The following DPY19L1 variants were observed in gnomAD, a reference collection of about 807,000 sequenced individuals.
DPY19L1 encodes protein C-mannosyl-transferase DPY19L1.
In DPY19L1, 35 loss-of-function variants were observed where a neutral mutation model predicts 96.9. That is an observed-to-expected ratio of 0.36 (90% CI 0.28 to 0.48). The LOEUF is 0.48. DPY19L1 is among the 20% of genes least tolerant of loss of function. DPY19L1 has a pLI of 0.99. For missense variants in DPY19L1, 521 were observed against 777.9 expected (o/e 0.67, Z 3.93); for synonymous variants, 205 against 252.6 (o/e 0.81, Z 1.79).
intron 13 of DPY19L1, among the ~76,000 whole-genome samples, chr7:34,950,564 C>G (rs569355048): frequency 6.6e-6 from 1 of 152,064 alleles, no homozygotes; most frequent in Admixed American, 6.5e-5. Flanking sequence ...AAAAAAGCAA[C>G]AACCAAAGAA....
chr7:35,010,095 T>C (rs932966576), intron 6 of DPY19L1, among the ~76,000 whole-genome samples: 7 of 152,000 alleles, frequency 4.6e-5, no homozygotes, highest in African/African-American at 1.7e-4. Flanking sequence ...CTGAGTTTGG[T>C]GGCGTGCACC....
chr7:34,990,260 T>C (rs328912), intron 6 of DPY19L1, among the ~76,000 whole-genome samples: 7,399 of 152,286 alleles, frequency 0.049, 403 homozygotes, highest in African/African-American at 0.13. Context: ...TTTTATTTTC[T>C]TTAGTACCTC....
intron 6 of DPY19L1, among the ~76,000 whole-genome samples, chr7:34,992,824 T>A (rs1230849401): frequency 6.6e-6 from 1 of 152,178 alleles, no homozygotes; most frequent in Non-Finnish European, 1.5e-5. Context: ...TGTTTTTAAC[T>A]GTACCCTTCC....
chr7:35,013,722 C>T lies in DPY19L1; in HGVS notation c.412-17G>A, dbSNP rs141453442. On this transcript the variant is annotated splice_polypyrimidine_tract_variant and intron_variant, in intron 3 of 21. Coordinates refer to ENST00000638088, the MANE Select transcript of DPY19L1 (RefSeq NM_001366673.1). ...ATATAGTCCCTGAAATAAAGATATG[C>T]TCAATTAAAATAACAAAAGGTACAT... 6.4e-6 allele frequency: 10 copies of T among 1,565,840 alleles called. No individual in the cohort carries two copies. The highest frequency in any genetic ancestry group is 5.5e-5 in the African/African-American group (4 of 73,308).
intron 12 of DPY19L1, 108 bp downstream of exon 12, chr7:34,955,200 G>T: frequency 7.3e-7 from 1 of 1,369,006 alleles, no homozygotes; most frequent in Non-Finnish European, 1.0e-6. Flanking sequence ...CTATAAAACT[G>T]TTGGATCCCC....
At chr7:34,945,839 A>G in intron 15 of DPY19L1, 123 bp from the exon 16 acceptor site, 1 of 688,174 alleles carries the variant, frequency 1.5e-6, no homozygotes, top group South Asian at 1.8e-5. Flanking sequence ...ATAACTCAGA[A>G]AATAATAATC....
At chr7:35,001,939 C>T (rs1254067698) in intron 6 of DPY19L1, among the ~76,000 whole-genome samples, 3 of 151,890 alleles carry the variant, frequency 2.0e-5, no homozygotes, top group African/African-American at 4.8e-5. Flanking sequence ...TCCTGGCCAA[C>T]ATGGTAAAAA....
At chr7:35,013,802 A>C in intron 3 of DPY19L1, 97 bp from the exon 4 acceptor site, 1 of 886,692 alleles carries the variant, frequency 1.1e-6, no homozygotes, top group Non-Finnish European at 1.7e-6. Flanking sequence ...AAAGCAATTA[A>C]GTAATAGCTA....
At chr7:34,996,719 A>G (rs1441454482) in intron 6 of DPY19L1, among the ~76,000 whole-genome samples, 4 of 152,188 alleles carry the variant, frequency 2.6e-5, no homozygotes. Flanking sequence ...CCTGCCCACA[A>G]GGTCAAATCC....
At chr7:34,962,410 A>T (rs777333363) in intron 10 of DPY19L1, among the ~76,000 whole-genome samples, 3 of 152,262 alleles carry the variant, frequency 2.0e-5, no homozygotes, top group Non-Finnish European at 4.4e-5. Flanking sequence ...CTATGGAAAC[A>T]GTAAAAAGAT....
rs1177737159 is a variant in DPY19L1, at chr7:34,938,106, T to C, written c.1978A>G (p.Ile660Val). Residue 660 changes from isoleucine (I) to valine (V), a missense_variant, in exon 21 of 22, where the codon ATA becomes GTA. Coordinates refer to ENST00000638088, the MANE Select transcript of DPY19L1 (RefSeq NM_001366673.1). Reference protein sequence around the residue: ...EDAGLRARTKIVYSMYSRKAA... With the variant: ...EDAGLRARTKVVYSMYSRKAA... ...TTCCGACTATACATTGAGTATACTA[T>C]TTTTGTTCTGGCTCTTTAAAGAAAA... 2 of 1,612,846 alleles carry C rather than the reference T, an allele frequency of 1.2e-6. No homozygotes were observed. Among genetic ancestry groups the C allele is most frequent in the Admixed American group, 3.3e-5 (2 of 59,712 alleles).
chr7:34,962,561 G>C (rs1160113888), intron 10 of DPY19L1, among the ~76,000 whole-genome samples: 2 of 152,182 alleles, frequency 1.3e-5, no homozygotes, highest in East Asian at 1.9e-4. Flanking sequence ...GCCGATTGTG[G>C]TGGCTCACAT....
At chr7:35,019,244 C>A (rs1412511482) in intron 1 of DPY19L1, among the ~76,000 whole-genome samples, 1 of 152,118 alleles carries the variant, frequency 6.6e-6, no homozygotes, top group African/African-American at 2.4e-5. Context: ...GATTAAATAA[C>A]TCTTAACTAA....
chr7:35,028,709 T>A (rs1191924107), intron 1 of DPY19L1, among the ~76,000 whole-genome samples: 1 of 152,234 alleles, frequency 6.6e-6, no homozygotes, highest in Non-Finnish European at 1.5e-5. Flanking sequence ...CAGTTTGGGC[T>A]GCTGGACTAA....
intron 10 of DPY19L1, among the ~76,000 whole-genome samples, chr7:34,959,180 A>G (rs936246527): frequency 6.6e-5 from 10 of 152,238 alleles, no homozygotes; most frequent in African/African-American, 2.4e-4. Flanking sequence ...ATCTCATGCC[A>G]GTTAGAATGG....
intron 3 of DPY19L1, among the ~76,000 whole-genome samples, chr7:35,014,914 T>C (rs988430436): frequency 6.6e-6 from 1 of 152,116 alleles, no homozygotes; most frequent in Non-Finnish European, 1.5e-5. Context: ...GGTCAGAGAC[T>C]GGGGTGAGGC....
chr7:35,015,078 TC>T (rs1264088534), intron 3 of DPY19L1, among the ~76,000 whole-genome samples: 1 of 152,186 alleles, frequency 6.6e-6, no homozygotes, highest in Non-Finnish European at 1.5e-5. Flanking sequence ...AGAATATATT[TC>T]TGCTGTTTTA....
rs1784621547 is a variant in DPY19L1 at position 34,966,880 on chromosome 7, TA to T, written c.1092+13del. ...GGGCAAACTAAATGGAAAAGAACAA[TA>T]AAAAATTATTACCATGTGTATATAA... On this transcript the variant is annotated intron_variant, in intron 10 of 21. Transcript: ENST00000638088. 1 of 1,512,798 alleles carries T rather than the reference TA, an allele frequency of 6.6e-7. No individual in the cohort carries two copies. The highest frequency in any genetic ancestry group is 1.3e-5 in the South Asian group (1 of 78,008). 93.7% of individuals were successfully genotyped at this position (1,512,798 alleles called of 1,614,324 possible).
rs1374880232 is a variant in DPY19L1 at position 34,965,970 on chromosome 7, A to G, written c.1092+924T>C. 2.7e-5 allele frequency among the ~76,000 whole-genome samples: 4 copies of G among 150,684 alleles called. No homozygotes were observed. In the East Asian group the frequency reaches 5.8e-4, roughly 22 times the overall value. ...CCTCATTTGATTTTTCCATTCTCCT[A>G]CCCCCTGATCTTGGTGCTCCTGATC... is the stretch of plus-strand genomic sequence containing the variant. On this transcript the variant is annotated intron_variant, in intron 10 of 21. Coordinates refer to ENST00000638088, the MANE Select transcript of DPY19L1 (RefSeq NM_001366673.1).
Sources: gnomAD v4.1 joint callset for allele counts (sites outside exome capture counted in the v4.1 genomes callset) on GRCh38, gnomAD v4.1.1 for gene constraint, MANE v1.5 for transcripts, NCBI Gene and HGNC (gene_info 2026-07-23, HGNC 2026-07-21) for gene names.